The following SPHKAP variants were observed in gnomAD, a reference collection of about 807,000 sequenced individuals.
SPHKAP encodes A-kinase anchor protein SPHKAP.
Under a neutral mutation model 137.5 loss-of-function variants are expected in SPHKAP, and 67 were observed. That is an observed-to-expected ratio of 0.49 (90% CI 0.40 to 0.60). The LOEUF (loss-of-function observed/expected upper bound fraction) is 0.60. Ranked by LOEUF, SPHKAP falls within the 20% of genes least tolerant of loss-of-function variation. SPHKAP has a pLI of 0.00. For synonymous variants in SPHKAP, 813 were observed against 785.3 expected (o/e 1.04, Z -0.59); for missense variants, 2,097 against 2,069.3 (o/e 1.01, Z -0.26).
chr2:227,981,636 A>C lies in SPHKAP; in HGVS notation c.*81T>G. 6.7e-7 allele frequency: 1 copy of C among 1,486,082 alleles called. No individual in the cohort carries two copies. The highest frequency in any genetic ancestry group is 9.0e-7 in the Non-Finnish European group (1 of 1,109,812). 92.1% of individuals were successfully genotyped at this position (1,486,082 alleles called of 1,614,324 possible). ...GCTAATGTGATGTGATGTTTTGAGA[A>C]TGTTTAGAGCATTTAGAACAAACCA... On this transcript the variant is annotated 3_prime_UTR_variant, in exon 12 of 12. Transcript: ENST00000392056.
chr2:228,151,899 T>C (rs1382271258), intron 1 of SPHKAP, among the ~76,000 whole-genome samples: 1 of 152,206 alleles, frequency 6.6e-6, no homozygotes, highest in Non-Finnish European at 1.5e-5. Context: ...TAAAATGGCT[T>C]TATCTTCATT....
Position 228,017,528 on chromosome 2 carries a change from G to A in SPHKAP, c.3326C>T (p.Pro1109Leu), listed in dbSNP as rs756170282. The change falls in exon 7 of 12, where the codon CCG becomes CTG. Residue 1109 changes from proline to leucine, a missense_variant. Pro to Leu is a moderately conservative substitution (Grantham distance 98). Coordinates refer to ENST00000392056, the MANE Select transcript of SPHKAP (RefSeq NM_001142644.2). ...SLGLMSTLSQ[P>L]VSRASSVSKQ... ...GGAGACAGAGCTGGCCCTGCTGACCGGCTGGCTCAGCGTGCTCATTAAGCC... is the reference window on the plus strand; with the variant it reads ...GGAGACAGAGCTGGCCCTGCTGACCAGCTGGCTCAGCGTGCTCATTAAGCC... The A allele has an allele frequency of 2.6e-5, 42 of 1,612,974 alleles. No individual in the cohort carries two copies. Among genetic ancestry groups the A allele is most frequent in the Non-Finnish European group, 3.1e-5 (37 of 1,179,696 alleles).
At chr2:227,995,730 GCACA>G (rs34458152) in intron 7 of SPHKAP, 36 bp from the exon 8 acceptor site, 37 of 1,452,842 alleles carry the variant, frequency 2.5e-5, no homozygotes, top group Non-Finnish European at 3.0e-5. Context: ...AAGAGAGGCA[GCACA>G]CACACACACA....
At chr2:228,103,014 C>T (rs921278591) in intron 3 of SPHKAP, among the ~76,000 whole-genome samples, 12 of 152,064 alleles carry the variant, frequency 7.9e-5, no homozygotes, top group East Asian at 5.8e-4. Context: ...CAAAGTGCTA[C>T]GAGTACAGGT....
chr2:228,061,948 C>G (rs1696651422), intron 3 of SPHKAP, among the ~76,000 whole-genome samples: 1 of 152,088 alleles, frequency 6.6e-6, no homozygotes, highest in Non-Finnish European at 1.5e-5. Flanking sequence ...AGGTTACAAA[C>G]TGGTACCCTC....
intron 3 of SPHKAP, among the ~76,000 whole-genome samples, chr2:228,093,808 C>T (rs1480117813): frequency 1.5e-5 from 2 of 135,088 alleles, no homozygotes; most frequent in South Asian, 2.3e-4. Context: ...TGCAGTGAGC[C>T]GAGATCACTC....
intron 3 of SPHKAP, among the ~76,000 whole-genome samples, chr2:228,044,357 C>T (rs1003767460): frequency 3.9e-5 from 6 of 152,020 alleles, no homozygotes; most frequent in African/African-American, 1.2e-4. Flanking sequence ...CTTTTTTTAA[C>T]GGAATTATCC....
chr2:228,103,176 C>T (rs1309425905), intron 3 of SPHKAP, among the ~76,000 whole-genome samples: 1 of 152,194 alleles, frequency 6.6e-6, no homozygotes. Flanking sequence ...ATGCTTTTCC[C>T]CCAACCCCCC....
chr2:228,133,029 G>A (rs1016926153), intron 1 of SPHKAP, among the ~76,000 whole-genome samples: 10 of 151,634 alleles, frequency 6.6e-5, no homozygotes, highest in African/African-American at 2.2e-4. Flanking sequence ...AAAAAAGGCC[G>A]GGCATGGTGG....
At chr2:228,132,196 T>G (rs1699274861) in intron 1 of SPHKAP, 111 bp from the exon 2 acceptor site, 1 of 906,204 alleles carries the variant, frequency 1.1e-6, no homozygotes. Context: ...TTTTTCAGAT[T>G]GCATTAAACA....
chr2:228,065,148 C>G, intron 3 of SPHKAP, among the ~76,000 whole-genome samples: 1 of 152,196 alleles, frequency 6.6e-6, no homozygotes, highest in East Asian at 1.9e-4. Flanking sequence ...CTGCTGTGCT[C>G]TTTGGGAGGC....
chr2:228,080,406 G>A (rs1208838058), intron 3 of SPHKAP, among the ~76,000 whole-genome samples: 7 of 152,122 alleles, frequency 4.6e-5, no homozygotes, highest in African/African-American at 1.4e-4. Flanking sequence ...TCAGAGAAAT[G>A]CATTAAAACC....
intron 1 of SPHKAP, among the ~76,000 whole-genome samples, chr2:228,177,518 T>A (rs2106436542): frequency 6.6e-6 from 1 of 152,354 alleles, no homozygotes; most frequent in East Asian, 1.9e-4. Context: ...TAATCTTTTC[T>A]GAAAGTTTTT....
intron 4 of SPHKAP, chr2:228,026,006 C>T: frequency 3.9e-6 from 1 of 253,754 alleles, no homozygotes; most frequent in Non-Finnish European, 6.2e-6. Context: ...GGGCGAGTCT[C>T]TCCTGCACTG....
intron 3 of SPHKAP, among the ~76,000 whole-genome samples, chr2:228,076,210 C>T (rs1697179612): frequency 6.6e-6 from 1 of 152,184 alleles, no homozygotes; most frequent in Non-Finnish European, 1.5e-5. Flanking sequence ...AACACTTTTT[C>T]CTGTATAAAT....
At chr2:228,129,709 C>T (rs1243606853) in intron 2 of SPHKAP, among the ~76,000 whole-genome samples, 6 of 150,810 alleles carry the variant, frequency 4.0e-5, no homozygotes, top group Non-Finnish European at 7.4e-5. Context: ...TAAATATATA[C>T]ATTTAAACAT....
At chr2:228,122,547 C>G (rs1283371782) in intron 2 of SPHKAP, among the ~76,000 whole-genome samples, 1 of 152,178 alleles carries the variant, frequency 6.6e-6, no homozygotes, top group Non-Finnish European at 1.5e-5. Context: ...ACAACCATAA[C>G]TGGTGGCTTA....
intron 1 of SPHKAP, among the ~76,000 whole-genome samples, chr2:228,140,831 C>T (rs908720388): frequency 2.6e-5 from 4 of 151,998 alleles, no homozygotes; most frequent in African/African-American, 9.7e-5. Flanking sequence ...CTGCTTTTGC[C>T]ATGTGACATG....
intron 3 of SPHKAP, among the ~76,000 whole-genome samples, chr2:228,030,212 C>T (rs1695230066): frequency 6.6e-6 from 1 of 152,202 alleles, no homozygotes; most frequent in Non-Finnish European, 1.5e-5. Context: ...GTGGGGAGGC[C>T]TTCTTTAAGA....
Sources: allele counts gnomAD v4.1 joint callset (sites outside exome capture counted in the v4.1 genomes callset), GRCh38; gene constraint gnomAD v4.1.1; transcripts MANE v1.5; gene names NCBI Gene and HGNC (gene_info 2026-07-23, HGNC 2026-07-21).